The following ADK variants were observed in gnomAD, a reference collection of about 807,000 sequenced individuals.
ADK encodes adenosine kinase, also known as N6,N6-dimethyladenosine kinase.
A neutral mutation model predicts 44.7 loss-of-function variants in ADK; 24 were observed. The observed-to-expected ratio is 0.54, with a 90% CI of 0.39 to 0.76. The LOEUF is 0.76. Among genes scored for constraint, ADK ranks in the 30% least tolerant of loss-of-function variants. The probability of loss-of-function intolerance (pLI) is 0.00; values close to 1 mark genes in which losing one functional copy is unlikely to be tolerated. For synonymous variants in ADK, 128 were observed against 142.6 expected (o/e 0.90, Z 0.73); for missense variants, 321 against 425.1 (o/e 0.76, Z 2.15).
At chr10:74,634,933 A>G (rs1002360417) in intron 9 of ADK, among the ~76,000 whole-genome samples, 1 of 152,130 alleles carries the variant, frequency 6.6e-6, no homozygotes, top group Non-Finnish European at 1.5e-5. Flanking sequence ...TGGACAGAGC[A>G]AGACTCCATC....
At chr10:74,302,091 T>TG in intron 3 of ADK, among the ~76,000 whole-genome samples, 1 of 21,788 alleles carries the variant, frequency 4.6e-5, no homozygotes, top group Non-Finnish European at 1.4e-4. Context: ...TTCTTTTCTG[T>TG]TTTTTTTTTG....
intron 1 of ADK, among the ~76,000 whole-genome samples, chr10:74,199,666 A>G (rs899678031): frequency 1.3e-5 from 2 of 151,926 alleles, no homozygotes; most frequent in Admixed American, 6.6e-5. Context: ...TTTTGGTAGA[A>G]TGATTCATTT....
intron 3 of ADK, among the ~76,000 whole-genome samples, chr10:74,299,122 A>C (rs1427672428): frequency 6.6e-6 from 1 of 152,162 alleles, no homozygotes; most frequent in African/African-American, 2.4e-5. Context: ...GAATATTTTC[A>C]AAAAATTTGA....
intron 1 of ADK, among the ~76,000 whole-genome samples, chr10:74,171,810 C>CTCTCTGTG (rs1554825180): frequency 2.6e-4 from 37 of 144,088 alleles, no homozygotes; most frequent in African/African-American, 9.4e-4. Flanking sequence ...CTCTGTCTCT[C>CTCTCTGTG]TGTGTGTGTG....
intron 10 of ADK, among the ~76,000 whole-genome samples, chr10:74,699,754 CAGAG>C (rs912360732): frequency 3.9e-5 from 6 of 152,134 alleles, no homozygotes; most frequent in African/African-American, 1.4e-4. Flanking sequence ...AATTAATTCA[CAGAG>C]AGATTTGTTC....
intron 4 of ADK, among the ~76,000 whole-genome samples, chr10:74,326,429 T>C (rs940857235): frequency 2.4e-5 from 2 of 81,806 alleles, no homozygotes; most frequent in African/African-American, 8.1e-5. Context: ...ACCTTGTTTC[T>C]ACAAAAAAAA....
intron 5 of ADK, among the ~76,000 whole-genome samples, chr10:74,395,368 G>C (rs1391184823): frequency 6.6e-6 from 1 of 151,828 alleles, no homozygotes; most frequent in Non-Finnish European, 1.5e-5. Context: ...CTAGAGACTG[G>C]GGATCAATAA....
chr10:74,292,720 T>C (rs1432926625), intron 3 of ADK, among the ~76,000 whole-genome samples: 2 of 152,044 alleles, frequency 1.3e-5, no homozygotes, highest in African/African-American at 4.8e-5. Flanking sequence ...GAAATTATAC[T>C]GGCACCACTT....
At chr10:74,162,524 T>C (rs1841933577) in intron 1 of ADK, among the ~76,000 whole-genome samples, 1 of 11,736 alleles carries the variant, frequency 8.5e-5, no homozygotes, top group African/African-American at 1.4e-4. Flanking sequence ...ATTTCTTTTG[T>C]GTGTGTGTGT....
At chr10:74,180,969 A>T (rs1842532520) in intron 1 of ADK, among the ~76,000 whole-genome samples, 1 of 152,254 alleles carries the variant, frequency 6.6e-6, no homozygotes, top group African/African-American at 2.4e-5. Context: ...ATTTTAAAGC[A>T]TTTTAAAAAT....
chr10:74,696,781 A>G (rs887595661), intron 10 of ADK, among the ~76,000 whole-genome samples: 5 of 152,176 alleles, frequency 3.3e-5, no homozygotes, highest in African/African-American at 1.2e-4. Context: ...ATAATCAGAA[A>G]AACAATATTT....
At chr10:74,218,243 G>T (rs1844143003) in intron 2 of ADK, among the ~76,000 whole-genome samples, 1 of 152,232 alleles carries the variant, frequency 6.6e-6, no homozygotes, top group Admixed American at 6.5e-5. Flanking sequence ...AGGAGCCGAT[G>T]TGATCAACTG....
chr10:74,273,721 G>A (rs1846536522), intron 3 of ADK, among the ~76,000 whole-genome samples: 1 of 152,172 alleles, frequency 6.6e-6, no homozygotes, highest in Non-Finnish European at 1.5e-5. Context: ...GCCTCCCAAA[G>A]TGCTGGGATT....
At chr10:74,243,077 G>A (rs973612117) in intron 3 of ADK, among the ~76,000 whole-genome samples, 1 of 152,224 alleles carries the variant, frequency 6.6e-6, no homozygotes, top group East Asian at 1.9e-4. Flanking sequence ...CCTCGCTGGC[G>A]GAGGGCAGCC....
chr10:74,663,215 A>G (rs1240672781), intron 9 of ADK, among the ~76,000 whole-genome samples: 4 of 144,172 alleles, frequency 2.8e-5, no homozygotes, highest in Non-Finnish European at 6.0e-5. Flanking sequence ...AGCCTATGCA[A>G]CAGAGCAAGA....
chr10:74,695,633 T>G (rs989395153), intron 10 of ADK, among the ~76,000 whole-genome samples: 2 of 151,194 alleles, frequency 1.3e-5, no homozygotes, highest in Non-Finnish European at 3.0e-5. Flanking sequence ...TGTGTGTGTG[T>G]GTGTGTGTGT....
intron 1 of ADK, among the ~76,000 whole-genome samples, chr10:74,171,508 T>C (rs1267035296): frequency 6.6e-6 from 1 of 152,188 alleles, no homozygotes; most frequent in East Asian, 1.9e-4. Flanking sequence ...TTGGGTTATG[T>C]ATCTGATTGC....
chr10:74,170,763 G>A (rs1842140192), intron 1 of ADK, among the ~76,000 whole-genome samples: 1 of 145,534 alleles, frequency 6.9e-6, no homozygotes, highest in Non-Finnish European at 1.5e-5. Flanking sequence ...TCGCGCCACT[G>A]CACTCCAGCC....
At chr10:74,197,072 A>G (rs1383408005) in intron 1 of ADK, among the ~76,000 whole-genome samples, 1 of 152,158 alleles carries the variant, frequency 6.6e-6, no homozygotes, top group Non-Finnish European at 1.5e-5. Flanking sequence ...ATAGAAAAAA[A>G]TCTTGGGTTC....
Sources: gnomAD v4.1 joint callset for allele counts (sites outside exome capture counted in the v4.1 genomes callset) on GRCh38, gnomAD v4.1.1 for gene constraint, MANE v1.5 for transcripts, NCBI Gene and HGNC (gene_info 2026-07-23, HGNC 2026-07-21) for gene names.